Variants in ZFYVE28 observed in about 807,000 individuals in gnomAD.
The protein encoded by ZFYVE28 is lateral signaling target protein 2 homolog.
ZFYVE28 carries 40 observed loss-of-function variants against 82.1 expected under a neutral mutation model. The observed-to-expected ratio is 0.49, with a 90% CI of 0.38 to 0.63. The LOEUF is 0.63. Among genes scored for constraint, ZFYVE28 ranks in the 30% least tolerant of loss-of-function variants. ZFYVE28 has a pLI of 0.00. For synonymous variants in ZFYVE28, 612 were observed against 546.1 expected (o/e 1.12, Z -1.68); for missense variants, 1,321 against 1,242.1 (o/e 1.06, Z -0.96).
chr4:2,298,735 G>A (rs534829688), intron 8 of ZFYVE28, among the ~76,000 whole-genome samples: 21 of 152,344 alleles, frequency 1.4e-4, no homozygotes, highest in Non-Finnish European at 5.9e-5. Flanking sequence ...CCTTGCCCCC[G>A]TGGGACGGAC....
chr4:2,279,978 G>A (rs1396902221), intron 8 of ZFYVE28, among the ~76,000 whole-genome samples: 1 of 152,146 alleles, frequency 6.6e-6, no homozygotes, highest in Non-Finnish European at 1.5e-5. Flanking sequence ...GATATTGGCT[G>A]TACAGCCTCA....
chr4:2,301,858 C>T (rs1298652031), intron 8 of ZFYVE28, among the ~76,000 whole-genome samples: 1 of 152,236 alleles, frequency 6.6e-6, no homozygotes, highest in Non-Finnish European at 1.5e-5. Flanking sequence ...CCGTGAAGCT[C>T]ATGCTGCATC....
Position 2,342,412 on chromosome 4 carries a change from G to C in ZFYVE28, c.181-797C>G, listed in dbSNP as rs74790816. Among the ~76,000 whole-genome samples, 402 of 152,192 alleles carry C rather than the reference G, an allele frequency of 2.6e-3. 12 individuals carry two copies. In the East Asian group the frequency reaches 0.062, roughly 23 times the overall value. On this transcript the variant is annotated intron_variant, in intron 2 of 12. Coordinates refer to ENST00000290974, the MANE Select transcript of ZFYVE28 (RefSeq NM_020972.3). ...ACTTCTGGCTTTTTGTTTATTTTTA[G>C]AGGCAGGGTCTGGCTTTGTCACTCA...
intron 7 of ZFYVE28, among the ~76,000 whole-genome samples, chr4:2,313,424 T>A (rs1717773309): frequency 6.6e-6 from 1 of 151,990 alleles, no homozygotes; most frequent in Admixed American, 6.6e-5. Context: ...CCACACCCAT[T>A]TTTTTACATT....
At chr4:2,336,572 C>A (rs1255056788) in intron 5 of ZFYVE28, among the ~76,000 whole-genome samples, 2 of 149,356 alleles carry the variant, frequency 1.3e-5, no homozygotes, top group Non-Finnish European at 3.0e-5. Context: ...GCCCCCCCCA[C>A]TCCCTAAAAA....
At chr4:2,414,328 G>C (rs1464625614) in intron 1 of ZFYVE28, among the ~76,000 whole-genome samples, 1 of 152,218 alleles carries the variant, frequency 6.6e-6, no homozygotes, top group East Asian at 1.9e-4. Context: ...ACCCAAAGGG[G>C]TCTTCTTTCA....
intron 7 of ZFYVE28, among the ~76,000 whole-genome samples, chr4:2,307,267 ATTGAGTTCTTTATATATTTTGGAT>A (rs1229864453): frequency 1.3e-5 from 2 of 150,896 alleles, no homozygotes; most frequent in African/African-American, 5.0e-5. Flanking sequence ...TTTCTTATTG[ATTGAGTTCTTTATATATTTTGGAT>A]TTGAGTTCTT....
intron 1 of ZFYVE28, among the ~76,000 whole-genome samples, chr4:2,413,544 A>G (rs567134398): frequency 1.3e-5 from 2 of 152,284 alleles, no homozygotes; most frequent in Admixed American, 1.3e-4. Flanking sequence ...GCCCGCCAGG[A>G]GAGGGAGCAC....
rs758268238 is a variant in ZFYVE28, at chr4:2,304,579, C to T, written c.1761G>A (p.Pro587=). ...CGTACGAGGCACCAATGACGCCTCC[C>T]GGGCTGCACTTCTCCCGCAGACGCT... The part of the protein sequence containing the change: ...VVERLREKCS[P]GGVIGASYAA... Residue 587 remains proline, a synonymous_variant, in exon 8 of 13, where the codon CCG becomes CCA. Transcript: ENST00000290974. The T allele has an allele frequency of 2.4e-5, 38 of 1,612,330 alleles. No homozygotes were observed. The highest frequency in any genetic ancestry group is 7.7e-5 in the South Asian group (7 of 91,052).
intron 7 of ZFYVE28, among the ~76,000 whole-genome samples, chr4:2,318,812 G>A (rs189641115): frequency 5.9e-5 from 9 of 152,284 alleles, no homozygotes; most frequent in South Asian, 2.1e-4. Flanking sequence ...GACCGAGGCC[G>A]GAGGAAAGCT....
At chr4:2,271,522 G>A in intron 11 of ZFYVE28, 108 bp from the exon 12 acceptor site, 1 of 1,441,156 alleles carries the variant, frequency 6.9e-7, no homozygotes, top group African/African-American at 1.4e-5. Context: ...AAGCCGCCTG[G>A]CCTCCAGCCA....
intron 3 of ZFYVE28, among the ~76,000 whole-genome samples, chr4:2,340,828 C>T (rs1310698936): frequency 5.3e-5 from 8 of 151,952 alleles, no homozygotes; most frequent in Admixed American, 1.3e-4. Flanking sequence ...GACGGGGCAG[C>T]GTGGGATGAA....
chr4:2,409,317 C>T lies in ZFYVE28; in HGVS notation c.39+8968G>A, dbSNP rs1732264566. Among the ~76,000 whole-genome samples, 1 of 151,964 alleles carries T rather than the reference C, an allele frequency of 6.6e-6. No individual in the cohort carries two copies. The highest frequency in any genetic ancestry group is 6.6e-5 in the Admixed American group (1 of 15,264). On this transcript the variant is annotated intron_variant, in intron 1 of 12. Coordinates refer to ENST00000290974, the MANE Select transcript of ZFYVE28 (RefSeq NM_020972.3). The surrounding 1 kb of genome is among the most constrained non-coding windows in gnomAD (Gnocchi z 4.4). Reference sequence around the variant, plus strand: ...TGCCATCCTCTCGCTGGAATCCCCGCCACCCACCAGTCCCAGCTTCCAATC... The same window carrying T: ...TGCCATCCTCTCGCTGGAATCCCCGTCACCCACCAGTCCCAGCTTCCAATC...
At position 2,408,160 on chromosome 4, in the gene ZFYVE28, C is replaced by T. The variant is rs748429460; in HGVS notation, c.39+10125G>A. 6.6e-6 allele frequency among the ~76,000 whole-genome samples: 1 copy of T among 152,220 alleles called. No individual in the cohort carries two copies. Among genetic ancestry groups the T allele is most frequent in the Non-Finnish European group, 1.5e-5 (1 of 68,040 alleles). On this transcript the variant is annotated intron_variant, in intron 1 of 12. Coordinates refer to ENST00000290974, the MANE Select transcript of ZFYVE28 (RefSeq NM_020972.3). This position sits in a 1 kb window ranked among gnomAD's most constrained non-coding sequence, Gnocchi z 4.3. ...GATTCCTGTCTGACCCTTGCTCCAACCTGCCCTCACTGGACAGCAATGCTT... is the reference window on the plus strand; with the variant it reads ...GATTCCTGTCTGACCCTTGCTCCAATCTGCCCTCACTGGACAGCAATGCTT...
At chr4:2,324,028 A>G (rs1719498203) in intron 6 of ZFYVE28, among the ~76,000 whole-genome samples, 1 of 152,122 alleles carries the variant, frequency 6.6e-6, no homozygotes, top group African/African-American at 2.4e-5. Flanking sequence ...TGTCAAATCC[A>G]TTGCAAAATC....
intron 8 of ZFYVE28, among the ~76,000 whole-genome samples, chr4:2,299,248 C>T (rs1715116333): frequency 6.6e-6 from 1 of 152,078 alleles, no homozygotes; most frequent in Admixed American, 6.5e-5. Flanking sequence ...AACAACTGCC[C>T]AGGTTGGCAG....
At chr4:2,311,129 G>A (rs1441302779) in intron 7 of ZFYVE28, among the ~76,000 whole-genome samples, 1 of 152,034 alleles carries the variant, frequency 6.6e-6, no homozygotes, top group Non-Finnish European at 1.5e-5. Flanking sequence ...GGTCTGTGGT[G>A]ATGTCTCCTT....
chr4:2,380,618 T>C (rs1728630038), intron 1 of ZFYVE28, among the ~76,000 whole-genome samples: 1 of 152,234 alleles, frequency 6.6e-6, no homozygotes, highest in African/African-American at 2.4e-5. Flanking sequence ...TCATCTTGAA[T>C]TATACTCTCG....
intron 1 of ZFYVE28, among the ~76,000 whole-genome samples, chr4:2,363,982 C>T (rs61790667): frequency 0.028 from 4,249 of 152,268 alleles, 104 homozygotes; most frequent in Middle Eastern, 0.048. Context: ...TATCCTGTGA[C>T]CCGGTTTCCC....
Sources: allele counts gnomAD v4.1 joint callset (sites outside exome capture counted in the v4.1 genomes callset), GRCh38; gene constraint gnomAD v4.1.1; non-coding constraint Gnocchi (gnomAD v3.1); transcripts MANE v1.5; gene names NCBI Gene and HGNC (gene_info 2026-07-23, HGNC 2026-07-21).